NME8: variants seen among roughly 807,000 people sequenced by gnomAD.
The protein encoded by NME8 is protein NME8.
A neutral mutation model predicts 82.3 loss-of-function variants in NME8; 72 were observed. The ratio of observed to expected loss-of-function variants is 0.87; its 90% CI spans 0.72 to 1.06. The LOEUF (loss-of-function observed/expected upper bound fraction) is 1.06. NME8 is among the 50% of genes least tolerant of loss of function. The pLI is 0.00. For missense variants in NME8, 712 were observed against 685.4 expected (o/e 1.04, Z -0.43); for synonymous variants, 267 against 228.5 (o/e 1.17, Z -1.52).
chr7:37,884,580 G>A, intron 13 of NME8, 133 bp downstream of exon 13: 2 of 722,458 alleles, frequency 2.8e-6, no homozygotes, highest in East Asian at 2.8e-5. Context: ...TTCTCTACCA[G>A]TCCTGCTCCC....
intron 6 of NME8, among the ~76,000 whole-genome samples, chr7:37,861,411 T>C (rs1256638510): frequency 6.6e-6 from 1 of 152,224 alleles, no homozygotes; most frequent in Non-Finnish European, 1.5e-5. Flanking sequence ...AATCACTTCC[T>C]GACATTGAGA....
chr7:37,853,880 G>C (rs887253814), intron 5 of NME8, among the ~76,000 whole-genome samples: 2 of 150,704 alleles, frequency 1.3e-5, no homozygotes, highest in Non-Finnish European at 3.0e-5. Flanking sequence ...TATATAGAGA[G>C]AGGCATATAA....
chr7:37,867,507 A>G (rs1037674834), intron 10 of NME8, among the ~76,000 whole-genome samples, 195 bp from the exon 11 acceptor site: 1 of 152,074 alleles, frequency 6.6e-6, no homozygotes, highest in African/African-American at 2.4e-5. Flanking sequence ...ATATGCAATT[A>G]TTTTTCAATA....
At chr7:37,893,609 C>G (rs1785169284) in intron 15 of NME8, among the ~76,000 whole-genome samples, 1 of 152,140 alleles carries the variant, frequency 6.6e-6, no homozygotes. Context: ...CCATGCTTAA[C>G]ACAAAGGTCA....
intron 12 of NME8, among the ~76,000 whole-genome samples, chr7:37,877,241 T>C (rs1325895184): frequency 6.6e-6 from 1 of 152,206 alleles, no homozygotes; most frequent in Non-Finnish European, 1.5e-5. Flanking sequence ...ATTTTAACAT[T>C]GCAGGAATTA....
At chr7:37,895,141 G>A (rs1785203944) in intron 16 of NME8, among the ~76,000 whole-genome samples, 1 of 152,126 alleles carries the variant, frequency 6.6e-6, no homozygotes. Flanking sequence ...TGTTAGCTAT[G>A]ATTATTCACA....
chr7:37,885,681 CT>C (rs959466801), intron 14 of NME8, among the ~76,000 whole-genome samples: 125 of 152,258 alleles, frequency 8.2e-4, no homozygotes, highest in African/African-American at 2.9e-3. Flanking sequence ...ACTTAGCTTA[CT>C]GATTAATCTT....
At chr7:37,852,097 T>G (rs895083738) in intron 5 of NME8, among the ~76,000 whole-genome samples, 2 of 149,130 alleles carry the variant, frequency 1.3e-5, no homozygotes, top group African/African-American at 4.9e-5. Context: ...GTTGTCCTGG[T>G]GAAGGAATTG....
intron 5 of NME8, among the ~76,000 whole-genome samples, chr7:37,855,420 T>G (rs1562828517): frequency 6.6e-6 from 1 of 152,166 alleles, no homozygotes; most frequent in African/African-American, 2.4e-5. Context: ...CTGCAATGCA[T>G]AAAATGGTTG....
At chr7:37,873,416 T>G (rs1380539007) in intron 11 of NME8, among the ~76,000 whole-genome samples, 1 of 146,136 alleles carries the variant, frequency 6.8e-6, no homozygotes, top group Non-Finnish European at 1.5e-5. Context: ...TATATAAACA[T>G]ATGAGTATAA....
chr7:37,892,863 G>T (rs867002280), intron 15 of NME8, among the ~76,000 whole-genome samples: 9 of 151,946 alleles, frequency 5.9e-5, no homozygotes, highest in South Asian at 4.2e-4. Flanking sequence ...GTTTGGGGGG[G>T]TATTTGTCAT....
intron 12 of NME8, 115 bp downstream of exon 12, chr7:37,877,122 C>A: frequency 1.2e-6 from 1 of 828,754 alleles, no homozygotes. Context: ...AGAAAACGCA[C>A]CTTAAGAAAT....
intron 11 of NME8, among the ~76,000 whole-genome samples, chr7:37,871,255 G>A (rs2131955263): frequency 6.6e-6 from 1 of 152,266 alleles, no homozygotes; most frequent in East Asian, 1.9e-4. Flanking sequence ...CTCTCTCCAT[G>A]CCATCGATGG....
At chr7:37,870,086 C>T (rs1189144460) in intron 11 of NME8, among the ~76,000 whole-genome samples, 1 of 151,986 alleles carries the variant, frequency 6.6e-6, no homozygotes, top group Non-Finnish European at 1.5e-5. Context: ...CTTTACTGTC[C>T]TTCAACAGAA....
intron 11 of NME8, among the ~76,000 whole-genome samples, chr7:37,869,595 G>A (rs1784739232): frequency 6.6e-6 from 1 of 152,116 alleles, no homozygotes. Flanking sequence ...AGAAGGAAAT[G>A]CCAGCAGCTC....
At chr7:37,850,551 G>A (rs1402395233) in intron 4 of NME8, 78 bp from the exon 5 acceptor site, 15 of 1,512,244 alleles carry the variant, frequency 9.9e-6, no homozygotes, top group African/African-American at 2.8e-5. Context: ...CCTTTGCCCT[G>A]GCCATGGCTC....
chr7:37,897,387 G>T (rs1292943802), intron 17 of NME8, among the ~76,000 whole-genome samples: 2 of 152,062 alleles, frequency 1.3e-5, no homozygotes, highest in Admixed American at 6.6e-5. Context: ...CGCACCCATT[G>T]GTTCACACAG....
Position 37,896,676 on chromosome 7 carries a change from T to C in NME8, c.1545-194T>C, listed in dbSNP as rs547622271. 23 of 602,638 alleles carry C rather than the reference T, an allele frequency of 3.8e-5. No homozygotes were observed. In the South Asian group the frequency reaches 4.3e-4, roughly 11 times the overall value. The allele number at this position is 602,638 out of a possible 1,614,324, so 37.3% of individuals were successfully genotyped here. Reference sequence around the variant, plus strand: ...TGACAAATATTCTCTAGAATTAAATTATAGCACCCACCTAGCATATAAACC... The same window carrying C: ...TGACAAATATTCTCTAGAATTAAATCATAGCACCCACCTAGCATATAAACC... On this transcript the variant is annotated intron_variant, in intron 16 of 17. Transcript: ENST00000199447.
At chr7:37,864,940 A>C (rs1784655261) in intron 9 of NME8, among the ~76,000 whole-genome samples, 2 of 152,084 alleles carry the variant, frequency 1.3e-5, no homozygotes, top group Admixed American at 1.3e-4. Flanking sequence ...AGCCCCCATA[A>C]TTCAATCACC....
Sources: allele counts gnomAD v4.1 joint callset (sites outside exome capture counted in the v4.1 genomes callset), GRCh38; gene constraint gnomAD v4.1.1; transcripts MANE v1.5; gene names NCBI Gene and HGNC (gene_info 2026-07-23, HGNC 2026-07-21).